The following BRINP3 variants were observed in gnomAD, a reference collection of about 807,000 sequenced individuals.
BRINP3 encodes the protein BMP/retinoic acid-inducible neural-specific protein 3.
A neutral mutation model predicts 71.0 loss-of-function variants in BRINP3; 19 were observed. The ratio of observed to expected loss-of-function variants is 0.27; its 90% CI spans 0.19 to 0.39. The LOEUF is 0.39. BRINP3 is among the 10% of genes least tolerant of loss of function. The pLI is 1.00. For synonymous variants in BRINP3, 380 were observed against 337.7 expected, an observed-to-expected ratio of 1.13 and a Z score of -1.37; for missense variants, 959 against 940.8, an observed-to-expected ratio of 1.02 and a Z score of -0.25.
chr1:190,322,833 C>T lies in BRINP3; in HGVS notation c.237-41083G>A, dbSNP rs1043731880. ...GTATGATTTTTAACCAAATCACCAT[C>T]ATCATCATTATCAATGTTCTGAGTA... On this transcript the variant is annotated intron_variant, in intron 2 of 7. Transcript: ENST00000367462. Among the ~76,000 whole-genome samples, 4 of 152,180 alleles carry T rather than the reference C, an allele frequency of 2.6e-5. No individual in the cohort carries two copies. The East Asian group carries it at 5.8e-4, about 22-fold the overall frequency.
intron 2 of BRINP3, among the ~76,000 whole-genome samples, chr1:190,449,239 A>G (rs1675439492): frequency 6.6e-6 from 1 of 151,980 alleles, no homozygotes; most frequent in Non-Finnish European, 1.5e-5. Context: ...TATTTGCACT[A>G]TTATCACACC....
chr1:190,444,797 G>T (rs1296609591), intron 2 of BRINP3, among the ~76,000 whole-genome samples: 2 of 152,084 alleles, frequency 1.3e-5, no homozygotes, highest in Non-Finnish European at 2.9e-5. Flanking sequence ...GCCCCCCCAA[G>T]GTGCTGGGAT....
intron 2 of BRINP3, among the ~76,000 whole-genome samples, chr1:190,420,202 CT>C (rs554851828): frequency 1.2e-4 from 18 of 152,116 alleles, no homozygotes; most frequent in African/African-American, 4.3e-4. Flanking sequence ...TTGATATATT[CT>C]GTCAATCTTT....
At chr1:190,169,232 A>C (rs1651811219) in intron 6 of BRINP3, among the ~76,000 whole-genome samples, 1 of 152,192 alleles carries the variant, frequency 6.6e-6, no homozygotes, top group South Asian at 2.1e-4. Flanking sequence ...CCTCTTCAAA[A>C]TGAAGAACAA....
intron 2 of BRINP3, among the ~76,000 whole-genome samples, chr1:190,302,281 T>A (rs2103001128): frequency 6.8e-6 from 1 of 147,798 alleles, no homozygotes; most frequent in Non-Finnish European, 1.5e-5. Flanking sequence ...TATAAATGTA[T>A]ATATATATAT....
chr1:190,194,253 C>T (rs981487448), intron 6 of BRINP3, among the ~76,000 whole-genome samples: 2 of 152,032 alleles, frequency 1.3e-5, no homozygotes, highest in African/African-American at 4.8e-5. Flanking sequence ...CCACCAAAAG[C>T]TGGAAGAAGC....
At chr1:190,146,484 A>C (rs1391657403) in intron 7 of BRINP3, among the ~76,000 whole-genome samples, 2 of 152,156 alleles carry the variant, frequency 1.3e-5, no homozygotes, top group African/African-American at 4.8e-5. Context: ...AATATTCACT[A>C]TTTTAATTAC....
At chr1:190,424,350 C>T (rs1673567185) in intron 2 of BRINP3, among the ~76,000 whole-genome samples, 1 of 151,416 alleles carries the variant, frequency 6.6e-6, no homozygotes, top group Non-Finnish European at 1.5e-5. Flanking sequence ...CCCTCTAGGC[C>T]CATTAAGAGA....
chr1:190,380,027 GAAAA>G (rs66528376), intron 2 of BRINP3, among the ~76,000 whole-genome samples: 6 of 139,532 alleles, frequency 4.3e-5, no homozygotes, highest in Non-Finnish European at 7.7e-5. Context: ...AAAGAAAAAA[GAAAA>G]AAAAAAAGAA....
intron 7 of BRINP3, among the ~76,000 whole-genome samples, chr1:190,154,878 G>T (rs768215378): frequency 6.6e-6 from 1 of 152,068 alleles, no homozygotes; most frequent in Non-Finnish European, 1.5e-5. Context: ...TGGTTATTCA[G>T]ACTTGGACAC....
intron 6 of BRINP3, among the ~76,000 whole-genome samples, chr1:190,192,491 T>C (rs973623100): frequency 6.6e-6 from 1 of 151,906 alleles, no homozygotes; most frequent in African/African-American, 2.4e-5. Flanking sequence ...TGAACCAGCA[T>C]GTGCCAACAT....
chr1:190,440,142 C>T (rs1453171186), intron 2 of BRINP3, among the ~76,000 whole-genome samples: 1 of 151,840 alleles, frequency 6.6e-6, no homozygotes, highest in African/African-American at 2.4e-5. Context: ...AAAATCCATT[C>T]ATATGATTTG....
intron 4 of BRINP3, among the ~76,000 whole-genome samples, chr1:190,241,434 A>T (rs1452350154): frequency 3.3e-5 from 5 of 152,068 alleles, no homozygotes; most frequent in Non-Finnish European, 7.4e-5. Context: ...CAAGTTTTGG[A>T]AACTTTGCTT....
chr1:190,135,954 G>A (rs1654940202), intron 7 of BRINP3, among the ~76,000 whole-genome samples: 1 of 151,898 alleles, frequency 6.6e-6, no homozygotes, highest in South Asian at 2.1e-4. Context: ...CTAACTTCTT[G>A]TGGAACAAAA....
intron 2 of BRINP3, among the ~76,000 whole-genome samples, chr1:190,353,475 C>A (rs1668531878): frequency 6.6e-6 from 1 of 151,966 alleles, no homozygotes; most frequent in African/African-American, 2.4e-5. Context: ...TTGACTATCA[C>A]TAGTATAGAG....
At chr1:190,318,468 G>A (rs1666029405) in intron 2 of BRINP3, among the ~76,000 whole-genome samples, 1 of 152,034 alleles carries the variant, frequency 6.6e-6, no homozygotes, top group Non-Finnish European at 1.5e-5. Flanking sequence ...TGAAAAATAG[G>A]TGCTTGCATG....
intron 2 of BRINP3, among the ~76,000 whole-genome samples, chr1:190,304,967 T>G (rs1029778997): frequency 9.9e-5 from 15 of 151,838 alleles, no homozygotes; most frequent in African/African-American, 3.6e-4. Context: ...TGAAGAGACA[T>G]TTCTCAAAAG....
At chr1:190,261,951 G>A (rs1232568704) in intron 4 of BRINP3, among the ~76,000 whole-genome samples, 1 of 152,130 alleles carries the variant, frequency 6.6e-6, no homozygotes, top group Non-Finnish European at 1.5e-5. Context: ...GCCTACTGAA[G>A]TCCCCTCACA....
At chr1:190,216,407 A>T (rs1489778004) in intron 6 of BRINP3, among the ~76,000 whole-genome samples, 1 of 151,704 alleles carries the variant, frequency 6.6e-6, no homozygotes, top group Non-Finnish European at 1.5e-5. Context: ...TATGCTACCA[A>T]TATTTCTTAT....
Sources: allele counts gnomAD v4.1 joint callset (sites outside exome capture counted in the v4.1 genomes callset), GRCh38; gene constraint gnomAD v4.1.1; transcripts MANE v1.5; gene names NCBI Gene and HGNC (gene_info 2026-07-23, HGNC 2026-07-21).